PLCH1: variants seen among roughly 807,000 people sequenced by gnomAD.
PLCH1 encodes the protein phospholipase C eta 1.
Under a neutral mutation model 126.7 loss-of-function variants are expected in PLCH1, and 60 were observed. The ratio of observed to expected loss-of-function variants is 0.47; its 90% CI spans 0.38 to 0.59. The LOEUF (loss-of-function observed/expected upper bound fraction) is 0.59. PLCH1 is among the 20% of genes least tolerant of loss of function. The pLI, the probability that PLCH1 is intolerant of heterozygous loss-of-function variation, is 0.00. For missense variants in PLCH1, 1,723 were observed against 2,040.0 expected (o/e 0.84, Z 2.99); for synonymous variants, 719 against 734.9 (o/e 0.98, Z 0.35).
intron 9 of PLCH1, 59 bp from the exon 10 acceptor site, chr3:155,550,017 T>C (rs1725899374): frequency 3.9e-6 from 5 of 1,268,980 alleles, no homozygotes; most frequent in Non-Finnish European, 5.6e-6. Context: ...CAGGGACTTT[T>C]GAAAATGATT....
intron 6 of PLCH1, among the ~76,000 whole-genome samples, chr3:155,575,252 A>G (rs1168280002): frequency 6.6e-6 from 1 of 152,236 alleles, no homozygotes; most frequent in African/African-American, 2.4e-5. Flanking sequence ...AGAATGGGAT[A>G]GTTACAAGCA....
intron 18 of PLCH1, among the ~76,000 whole-genome samples, chr3:155,492,459 A>G (rs1393950140): frequency 6.6e-6 from 1 of 152,192 alleles, no homozygotes; most frequent in South Asian, 2.1e-4. Context: ...TTAATAATAT[A>G]ATTGTCTTTG....
At chr3:155,621,964 A>T (rs906698506) in intron 2 of PLCH1, among the ~76,000 whole-genome samples, 4 of 152,222 alleles carry the variant, frequency 2.6e-5, no homozygotes, top group African/African-American at 4.8e-5. Flanking sequence ...TAATCGTCAG[A>T]TTCACCAAGG....
intron 21 of PLCH1, among the ~76,000 whole-genome samples, chr3:155,454,877 C>G (rs193234600): frequency 6.6e-6 from 1 of 152,128 alleles, no homozygotes; most frequent in African/African-American, 2.4e-5. Flanking sequence ...TTGGGCTGGT[C>G]CCCCTGTTAC....
intron 8 of PLCH1, 80 bp from the exon 9 acceptor site, chr3:155,554,276 TAA>T: frequency 7.3e-7 from 1 of 1,361,630 alleles, no homozygotes; most frequent in South Asian, 1.3e-5. Context: ...AGACACATAT[TAA>T]GTCCATTATC....
At chr3:155,585,757 G>A (rs1349938598) in intron 5 of PLCH1, among the ~76,000 whole-genome samples, 2 of 152,162 alleles carry the variant, frequency 1.3e-5, no homozygotes, top group African/African-American at 4.8e-5. Flanking sequence ...CCTCACAAGA[G>A]CCCTGCGAAG....
chr3:155,538,775 AC>A (rs1344982688), intron 10 of PLCH1, among the ~76,000 whole-genome samples: 1 of 152,144 alleles, frequency 6.6e-6, no homozygotes, highest in African/African-American at 2.4e-5. Flanking sequence ...GCCAACAACA[AC>A]AAAAAATGTC....
At chr3:155,611,107 A>T (rs768379370) in intron 2 of PLCH1, among the ~76,000 whole-genome samples, 4 of 152,222 alleles carry the variant, frequency 2.6e-5, no homozygotes, top group Non-Finnish European at 5.9e-5. Context: ...AAAACAGTTT[A>T]AAAAGACAAA....
At chr3:155,649,323 TATATA>T (rs913383505) in intron 2 of PLCH1, among the ~76,000 whole-genome samples, 1 of 152,158 alleles carries the variant, frequency 6.6e-6, no homozygotes, top group Admixed American at 6.5e-5. Context: ...TCCACTACCC[TATATA>T]ATTCTGTTTC....
At chr3:155,570,505 G>A (rs1166796271) in intron 6 of PLCH1, among the ~76,000 whole-genome samples, 1 of 152,142 alleles carries the variant, frequency 6.6e-6, no homozygotes, top group Admixed American at 6.5e-5. Flanking sequence ...AAGAACTTAA[G>A]ATAAAATGTG....
intron 21 of PLCH1, among the ~76,000 whole-genome samples, chr3:155,465,300 A>G (rs1378880765): frequency 2.0e-5 from 3 of 152,054 alleles, no homozygotes; most frequent in Non-Finnish European, 4.4e-5. Context: ...AAGCTCAGCC[A>G]CAGCAGATGG....
At chr3:155,656,458 G>C (rs568858729) in intron 2 of PLCH1, among the ~76,000 whole-genome samples, 14 of 152,116 alleles carry the variant, frequency 9.2e-5, no homozygotes, top group Admixed American at 8.5e-4. Flanking sequence ...TCATTAACCA[G>C]TGAAATTTTT....
intron 1 of PLCH1, among the ~76,000 whole-genome samples, chr3:155,713,035 A>G (rs1747260801): frequency 6.6e-6 from 1 of 150,404 alleles, no homozygotes; most frequent in Middle Eastern, 3.2e-3. Context: ...TGAGTTCCAC[A>G]TTATTAACAA....
chr3:155,681,716 G>A (rs1042709907), intron 2 of PLCH1, among the ~76,000 whole-genome samples: 2 of 152,162 alleles, frequency 1.3e-5, no homozygotes, highest in African/African-American at 4.8e-5. Flanking sequence ...CACCAATGTA[G>A]CTATGCAAAC....
chr3:155,578,731 T>C (rs1229670984), intron 6 of PLCH1, among the ~76,000 whole-genome samples: 2 of 152,224 alleles, frequency 1.3e-5, no homozygotes, highest in Non-Finnish European at 2.9e-5. Flanking sequence ...TCTAACCATG[T>C]ACAGATTTGA....
chr3:155,735,080 G>C (rs79241265), intron 1 of PLCH1, among the ~76,000 whole-genome samples: 1 of 152,100 alleles, frequency 6.6e-6, no homozygotes, highest in Non-Finnish European at 1.5e-5. Context: ...GATGAACCTG[G>C]AGGACATTAT....
At chr3:155,663,444 C>T (rs558049738) in intron 2 of PLCH1, among the ~76,000 whole-genome samples, 4 of 152,162 alleles carry the variant, frequency 2.6e-5, no homozygotes, top group East Asian at 3.9e-4. Flanking sequence ...GCTCTCTTTC[C>T]GCTTTTGCTC....
At chr3:155,602,579 C>T (rs566381218) in intron 2 of PLCH1, among the ~76,000 whole-genome samples, 7 of 152,154 alleles carry the variant, frequency 4.6e-5, no homozygotes, top group Non-Finnish European at 7.4e-5. Context: ...GCCTATTGCA[C>T]GTCTAGGCTG....
At chr3:155,582,021 T>C (rs1730760786) in intron 6 of PLCH1, among the ~76,000 whole-genome samples, 1 of 151,188 alleles carries the variant, frequency 6.6e-6, no homozygotes, top group Non-Finnish European at 1.5e-5. Flanking sequence ...GTGCTGGGAT[T>C]ACAGGTGTAA....
Sources: gnomAD v4.1 joint callset for allele counts (sites outside exome capture counted in the v4.1 genomes callset) on GRCh38, gnomAD v4.1.1 for gene constraint, MANE v1.5 for transcripts, NCBI Gene and HGNC (gene_info 2026-07-23, HGNC 2026-07-21) for gene names.